XYLT1: variants seen among roughly 807,000 people sequenced by gnomAD.
XYLT1 encodes the protein xylosyltransferase 1.
In XYLT1, 36 loss-of-function variants were observed where a neutral mutation model predicts 91.3. The ratio of observed to expected loss-of-function variants is 0.39; its 90% CI spans 0.30 to 0.52. The LOEUF (loss-of-function observed/expected upper bound fraction) is 0.52. Ranked by LOEUF, XYLT1 falls within the 20% of genes least tolerant of loss-of-function variation. XYLT1 has a pLI of 0.68. For synonymous variants in XYLT1, 588 were observed against 532.0 expected, an observed-to-expected ratio of 1.11 and a Z score of -1.45; for missense variants, 1,242 against 1,284.5, an observed-to-expected ratio of 0.97 and a Z score of 0.51.
chr16:17,138,230 A>AGATACTGTTAACTATT (rs1224287645), intron 8 of XYLT1, 125 bp downstream of exon 8: 1 of 2,666 alleles, frequency 3.8e-4, no homozygotes, highest in African/African-American at 0.022. Flanking sequence ...AACTATTATT[A>AGATACTGTTAACTATT]ATTATCAACA....
At chr16:17,290,234 G>C (rs1037729189) in intron 2 of XYLT1, among the ~76,000 whole-genome samples, 5 of 152,220 alleles carry the variant, frequency 3.3e-5, no homozygotes, top group South Asian at 2.1e-4. Flanking sequence ...GGAAAGTTAG[G>C]GTTAGTGTCA....
At chr16:17,160,487 G>C (rs928322286) in intron 5 of XYLT1, among the ~76,000 whole-genome samples, 1 of 152,214 alleles carries the variant, frequency 6.6e-6, no homozygotes, top group African/African-American at 2.4e-5. Flanking sequence ...GCAGTTAAGA[G>C]AGGCAGCAGT....
chr16:17,296,723 G>A (rs1218253688), intron 2 of XYLT1, among the ~76,000 whole-genome samples: 3 of 152,216 alleles, frequency 2.0e-5, no homozygotes, highest in Non-Finnish European at 2.9e-5. Flanking sequence ...AGGACAGGCT[G>A]CAAGAATCTG....
At chr16:17,435,266 CATAA>C (rs1157152801) in intron 1 of XYLT1, among the ~76,000 whole-genome samples, 3 of 152,192 alleles carry the variant, frequency 2.0e-5, no homozygotes, top group African/African-American at 4.8e-5. Flanking sequence ...TGACTTTTCA[CATAA>C]ATAGACTCCA....
intron 3 of XYLT1, among the ~76,000 whole-genome samples, chr16:17,235,989 C>G (rs1370200394): frequency 1.3e-5 from 2 of 152,160 alleles, no homozygotes; most frequent in Non-Finnish European, 2.9e-5. Flanking sequence ...GCCTCAGCCT[C>G]CCGAGTAGCT....
At chr16:17,310,931 T>C (rs1382860542) in intron 2 of XYLT1, among the ~76,000 whole-genome samples, 3 of 152,070 alleles carry the variant, frequency 2.0e-5, no homozygotes, top group South Asian at 4.2e-4. Flanking sequence ...AGGGGTCATG[T>C]CCCACAGCTC....
At chr16:17,344,327 C>CAA (rs1167697825) in intron 2 of XYLT1, among the ~76,000 whole-genome samples, 146 of 105,156 alleles carry the variant, frequency 1.4e-3, no homozygotes, top group African/African-American at 4.8e-3. Context: ...CTAAAAAATA[C>CAA]AAAAAAAAAA....
Position 17,142,845 on chromosome 16 carries a change from G to A in XYLT1, c.1371-1476C>T, listed in dbSNP as rs1011156914. On this transcript the variant is annotated intron_variant, in intron 6 of 11. Transcript: ENST00000261381. The stretch of plus-strand genomic sequence containing the variant: ...AAATAGATGATTCCTACTGGTGACC[G>A]AGTCAGTTAGTTACTGCTAATACTA... Among the ~76,000 whole-genome samples the A allele has an allele frequency of 5.3e-5, 8 of 152,230 alleles. No homozygotes were observed. In the South Asian group the frequency reaches 8.3e-4, roughly 16 times the overall value.
At chr16:17,264,283 C>T (rs1027285231) in intron 2 of XYLT1, among the ~76,000 whole-genome samples, 4 of 152,152 alleles carry the variant, frequency 2.6e-5, no homozygotes, top group Non-Finnish European at 4.4e-5. Context: ...TTCTAGGATT[C>T]GGACTATTTT....
chr16:17,134,085 G>A (rs563236248), intron 9 of XYLT1, among the ~76,000 whole-genome samples: 14 of 152,124 alleles, frequency 9.2e-5, no homozygotes, highest in South Asian at 2.1e-4. Context: ...GCTGGGTGAC[G>A]GGAACATGGG....
chr16:17,118,381 A>G (rs2029928839), intron 10 of XYLT1, among the ~76,000 whole-genome samples: 1 of 152,082 alleles, frequency 6.6e-6, no homozygotes, highest in Non-Finnish European at 1.5e-5. Flanking sequence ...TTCCAATTCC[A>G]TCCTTGGTTT....
At chr16:17,173,966 T>A (rs1312013910) in intron 5 of XYLT1, among the ~76,000 whole-genome samples, 1 of 152,128 alleles carries the variant, frequency 6.6e-6, no homozygotes, top group East Asian at 1.9e-4. Context: ...TATTTGGCTC[T>A]GAGTGAGGGA....
At chr16:17,407,367 T>C (rs1459105257) in intron 1 of XYLT1, among the ~76,000 whole-genome samples, 2 of 152,226 alleles carry the variant, frequency 1.3e-5, no homozygotes, top group Non-Finnish European at 2.9e-5. Flanking sequence ...AGCGTTATTT[T>C]TAAGGAATAA....
rs1172782891 is a variant in XYLT1 at position 17,141,175 on chromosome 16, G to T, written c.1565C>A (p.Ser522Tyr). The change falls in exon 7 of 12, where the codon TCC becomes TAC. Residue 522 changes from serine to tyrosine, a missense_variant. Coordinates refer to ENST00000261381, the MANE Select transcript of XYLT1 (RefSeq NM_022166.4). ...CACCTCAGCAGGAAGCAGGGTGTAGGAGTAGAACTGTTTCATCTTGGTCAC... is the reference window on the plus strand; with the variant it reads ...CACCTCAGCAGGAAGCAGGGTGTAGTAGTAGAACTGTTTCATCTTGGTCAC... ...DLVTKMKQFY[S>Y]YTLLPAESFF... The T allele has an allele frequency of 6.2e-7, 1 of 1,614,196 alleles. No individual in the cohort carries two copies. Among genetic ancestry groups the T allele is most frequent in the Non-Finnish European group, 8.5e-7 (1 of 1,180,026 alleles).
intron 1 of XYLT1, among the ~76,000 whole-genome samples, chr16:17,437,894 C>T (rs1360798008): frequency 2.0e-5 from 3 of 152,162 alleles, no homozygotes; most frequent in Non-Finnish European, 2.9e-5. Flanking sequence ...GGTTGCCGCA[C>T]GGTGCAGTCA....
chr16:17,326,555 GGCTCACGCCTGTAATCCCA>G (rs1009321760), intron 2 of XYLT1, among the ~76,000 whole-genome samples: 165 of 152,064 alleles, frequency 1.1e-3, no homozygotes, highest in African/African-American at 3.7e-3. Context: ...CTGGCACGGT[GGCTCACGCCTGTAATCCCA>G]GCACTTTCGG....
At chr16:17,365,158 G>C (rs2035435727) in intron 1 of XYLT1, among the ~76,000 whole-genome samples, 1 of 152,154 alleles carries the variant, frequency 6.6e-6, no homozygotes, top group Non-Finnish European at 1.5e-5. Context: ...TCCCCACTTT[G>C]GTGAAGAGAT....
chr16:17,263,879 T>C (rs763537887), intron 2 of XYLT1, among the ~76,000 whole-genome samples: 2 of 152,088 alleles, frequency 1.3e-5, no homozygotes, highest in Non-Finnish European at 2.9e-5. Context: ...CGGCTAATTT[T>C]TGTATTTTTA....
chr16:17,152,555 G>A (rs553765686), intron 6 of XYLT1, among the ~76,000 whole-genome samples: 12 of 152,304 alleles, frequency 7.9e-5, no homozygotes, highest in Non-Finnish European at 7.3e-5. Context: ...TCCCGAATGC[G>A]GATTTGCCTG....
Sources: allele counts gnomAD v4.1 joint callset (sites outside exome capture counted in the v4.1 genomes callset), GRCh38; gene constraint gnomAD v4.1.1; transcripts MANE v1.5; gene names NCBI Gene and HGNC (gene_info 2026-07-23, HGNC 2026-07-21).